The following PHEX variants were observed in gnomAD, a reference collection of about 807,000 sequenced individuals.
PHEX encodes the protein phosphate-regulating neutral endopeptidase PHEX.
In PHEX, 16 loss-of-function variants were observed where a neutral mutation model predicts 68.0. The observed-to-expected ratio is 0.24, with a 90% CI of 0.16 to 0.36. The LOEUF is 0.36. PHEX is among the 10% of genes least tolerant of loss of function. The pLI, the probability that PHEX is intolerant of heterozygous loss-of-function variation, is 1.00. For synonymous variants in PHEX, 208 were observed against 205.1 expected, an observed-to-expected ratio of 1.01 and a Z score of -0.12; for missense variants, 480 against 575.5, an observed-to-expected ratio of 0.83 and a Z score of 1.70.
chrX:22,056,428 C>T (rs1280215847), intron 3 of PHEX, among the ~76,000 whole-genome samples: 2 of 110,538 alleles, frequency 1.8e-5, no homozygotes, highest in Non-Finnish European at 3.8e-5. Flanking sequence ...TTGCTAATAA[C>T]CAGAATTTAT....
chrX:22,118,339 CAAAAAAAAA>C (rs1157170753), intron 11 of PHEX, among the ~76,000 whole-genome samples: 9 of 21,119 alleles, frequency 4.3e-4, no homozygotes, highest in Admixed American at 1.4e-3. Context: ...TAAACAGCAC[CAAAAAAAAA>C]AAAAAAAAAA....
intron 18 of PHEX, among the ~76,000 whole-genome samples, chrX:22,224,451 G>A (rs1450342083): frequency 8.9e-6 from 1 of 111,939 alleles, no homozygotes; most frequent in Non-Finnish European, 1.9e-5. Context: ...TGTTCAAACT[G>A]CACATCAGTC....
chrX:22,132,175 C>A (rs1932037256), intron 11 of PHEX, among the ~76,000 whole-genome samples: 1 of 111,845 alleles, frequency 8.9e-6, no homozygotes, highest in African/African-American at 3.2e-5. Flanking sequence ...TCATAGCTTA[C>A]TGCAGCCTCA....
chrX:22,093,039 C>G (rs1223779652), intron 6 of PHEX, among the ~76,000 whole-genome samples: 1 of 111,686 alleles, frequency 9.0e-6, no homozygotes, highest in Non-Finnish European at 1.9e-5. Context: ...CGTGAGCCAC[C>G]ACGCCCAGCC....
intron 11 of PHEX, among the ~76,000 whole-genome samples, chrX:22,126,051 CTGCTA>C (rs1445339287): frequency 8.9e-6 from 1 of 112,072 alleles, no homozygotes; most frequent in Non-Finnish European, 1.9e-5. Flanking sequence ...TACTGAGCAT[CTGCTA>C]TATTTTAGTA....
In PHEX at chrX:22,250,622, G is replaced by T. The variant is rs886664110; in HGVS notation, c.*2669G>T. 9.0e-6 allele frequency: 1 copy of T among 111,369 alleles called. No homozygotes were observed. Among genetic ancestry groups the T allele is most frequent in the South Asian group, 3.8e-4 (1 of 2,641 alleles). The allele number at this position is 111,369 out of a possible 1,213,427, so 9.2% of individuals were successfully genotyped here. A position where few individuals can be genotyped will look rare whatever the true frequency, so the allele number is the denominator to read the frequency against. ...TAAAAAAATTTTCTAGATATAAAGTGGTTTTATTTGGGCTCATGACCATTG... is the reference window on the plus strand; with the variant it reads ...TAAAAAAATTTTCTAGATATAAAGTTGTTTTATTTGGGCTCATGACCATTG... On this transcript the variant is annotated 3_prime_UTR_variant, in exon 22 of 22. Coordinates refer to ENST00000379374, the MANE Select transcript of PHEX (RefSeq NM_000444.6).
chrX:22,124,615 T>C (rs1160557543), intron 11 of PHEX, among the ~76,000 whole-genome samples: 1 of 112,446 alleles, frequency 8.9e-6, no homozygotes, highest in Non-Finnish European at 1.9e-5. Context: ...TTGAGACTGA[T>C]TGACTTGTAA....
Position 22,059,722 on chromosome X carries a change from C to G in PHEX, c.349+12511C>G, listed in dbSNP as rs150597727. Reference sequence around the variant, plus strand: ...TCCAGCCTCTTGATCCATCTTAATTCAGGTGCTTGGAGTGGCATTGACTAT... The same window carrying G: ...TCCAGCCTCTTGATCCATCTTAATTGAGGTGCTTGGAGTGGCATTGACTAT... On this transcript the variant is annotated intron_variant, in intron 3 of 21. Coordinates refer to ENST00000379374, the MANE Select transcript of PHEX (RefSeq NM_000444.6). Among the ~76,000 whole-genome samples the G allele has an allele frequency of 9.4e-3, 1,049 of 111,645 alleles. 15 individuals carry two copies. Among genetic ancestry groups the G allele is most frequent in the African/African-American group, 0.032 (983 of 30,760 alleles).
At chrX:22,044,283 C>T (rs1272711403) in intron 2 of PHEX, among the ~76,000 whole-genome samples, 1 of 111,276 alleles carries the variant, frequency 9.0e-6, no homozygotes, top group Non-Finnish European at 1.9e-5. Flanking sequence ...GGGACTGAGA[C>T]GTGTGATCCA....
chrX:22,099,467 C>A, intron 9 of PHEX: 10 of 212,759 alleles, frequency 4.7e-5, no homozygotes, highest in East Asian at 1.1e-4. Context: ...TCTGTGTGAA[C>A]ATCTTTTTTT....
At chrX:22,169,336 A>G (rs1458707975) in intron 13 of PHEX, among the ~76,000 whole-genome samples, 3 of 112,306 alleles carry the variant, frequency 2.7e-5, no homozygotes, top group African/African-American at 9.7e-5. Flanking sequence ...ATAGCATCCT[A>G]AAACTCAGTC....
intron 20 of PHEX, among the ~76,000 whole-genome samples, chrX:22,236,976 G>A (rs1179379860): frequency 1.8e-5 from 2 of 112,353 alleles, no homozygotes; most frequent in Non-Finnish European, 1.9e-5. Context: ...ATTTAGGGGG[G>A]AAAAGTGGAA....
At position 22,115,670 on chromosome X, in the gene PHEX, A is replaced by G. The variant is rs765083220; in HGVS notation, c.1302+1084A>G. Among the ~76,000 whole-genome samples the G allele has an allele frequency of 7.1e-5, 8 of 112,133 alleles. No individual in the cohort carries two copies. The South Asian group carries it at 2.2e-3, about 31-fold the overall frequency. On this transcript the variant is annotated intron_variant, in intron 11 of 21. Coordinates refer to ENST00000379374, the MANE Select transcript of PHEX (RefSeq NM_000444.6). ...ATTTTAACTTTTATAAAGATTCTAC[A>G]TATAAGTGAGATCATATAATATTTG...
At chrX:22,033,419 A>G (rs187535740) in intron 1 of PHEX, among the ~76,000 whole-genome samples, 76 of 111,721 alleles carry the variant, frequency 6.8e-4, no homozygotes, top group African/African-American at 2.4e-3. Context: ...TATGTGGTAC[A>G]TTTAGCAAAA....
chrX:22,211,924 G>A (rs1399726828), intron 15 of PHEX, among the ~76,000 whole-genome samples: 1 of 111,769 alleles, frequency 8.9e-6, no homozygotes, highest in East Asian at 2.8e-4. Context: ...ACTACCATGA[G>A]AACAGTATGG....
chrX:22,123,833 CTTTTT>C (rs755194382), intron 11 of PHEX, among the ~76,000 whole-genome samples: 1 of 83,078 alleles, frequency 1.2e-5, no homozygotes, highest in African/African-American at 7.5e-5. Flanking sequence ...ATTTCTTTTT[CTTTTT>C]TTTTTTTTTT....
chrX:22,109,421 G>T (rs192448741), intron 9 of PHEX, among the ~76,000 whole-genome samples: 2 of 111,887 alleles, frequency 1.8e-5, no homozygotes, highest in Admixed American at 9.5e-5. Flanking sequence ...TTCTGTTTTT[G>T]TATTTGTTAA....
At chrX:22,043,505 T>A (rs1297708107) in intron 2 of PHEX, among the ~76,000 whole-genome samples, 1 of 110,881 alleles carries the variant, frequency 9.0e-6, no homozygotes, top group Admixed American at 9.6e-5. Flanking sequence ...TTAAATCACC[T>A]GCCTAAGGTG....
intron 2 of PHEX, among the ~76,000 whole-genome samples, chrX:22,041,265 CTATATATATATA>C (rs556410356): frequency 0.14 from 10,157 of 72,837 alleles, 725 homozygotes; most frequent in Admixed American, 0.27. Context: ...CTCTCTCTCT[CTATATATATATA>C]TATATATATA....
Sources: gnomAD v4.1 joint callset for allele counts (sites outside exome capture counted in the v4.1 genomes callset) on GRCh38, gnomAD v4.1.1 for gene constraint, MANE v1.5 for transcripts, NCBI Gene and HGNC (gene_info 2026-07-23, HGNC 2026-07-21) for gene names.